Variants in G3BP2 observed in about 807,000 individuals in gnomAD.
G3BP2 encodes the protein ras GTPase-activating protein-binding protein 2.
A neutral mutation model predicts 56.7 loss-of-function variants in G3BP2; 11 were observed. That is an observed-to-expected ratio of 0.19 (90% confidence interval 0.12 to 0.32). The LOEUF (loss-of-function observed/expected upper bound fraction) is 0.32. G3BP2 is among the 10% of genes least tolerant of loss of function. The pLI is 1.00. For missense variants in G3BP2, 340 were observed against 610.9 expected (o/e 0.56, Z 4.67); for synonymous variants, 165 against 191.6 (o/e 0.86, Z 1.15).
intron 7 of G3BP2, 52 bp downstream of exon 7, chr4:75,655,014 C>T: frequency 8.2e-7 from 1 of 1,226,154 alleles, no homozygotes; most frequent in Middle Eastern, 2.2e-4. Flanking sequence ...TCATTAACAG[C>T]ACCAAATTTG....
At chr4:75,695,156 A>AG (rs144670920) in intron 3 of G3BP2, among the ~76,000 whole-genome samples, 330 of 152,322 alleles carry the variant, frequency 2.2e-3, no homozygotes, top group African/African-American at 7.5e-3. Flanking sequence ...TAAACAAAAA[A>AG]GGCATCAGAC....
chr4:75,704,080 G>A (rs1719450269), intron 3 of G3BP2, among the ~76,000 whole-genome samples: 1 of 149,736 alleles, frequency 6.7e-6, no homozygotes, highest in Non-Finnish European at 1.5e-5. Context: ...GTGCCGTGGT[G>A]TGGTCTTGGC....
intron 3 of G3BP2, among the ~76,000 whole-genome samples, chr4:75,709,065 A>G (rs568795633): frequency 3.7e-4 from 56 of 152,216 alleles, no homozygotes; most frequent in African/African-American, 1.3e-3. Context: ...AGTCATAACC[A>G]GTCACTGCAC....
At chr4:75,669,372 C>A (rs918766665) in intron 1 of G3BP2, among the ~76,000 whole-genome samples, 1 of 152,180 alleles carries the variant, frequency 6.6e-6, no homozygotes, top group Non-Finnish European at 1.5e-5. Context: ...TTTAGCTTTG[C>A]CACTTAAACT....
rs181428029 is a variant in G3BP2, at chr4:75,681,825, G to A, written c.-24-19776C>T. 1.3e-4 allele frequency among the ~76,000 whole-genome samples: 19 copies of A among 150,280 alleles called. No individual in the cohort carries two copies. In the East Asian group the frequency reaches 2.9e-3, roughly 23 times the overall value. On this transcript the variant is annotated intron_variant, in intron 3 of 3. Transcript: ENST00000499709. ...GATCGCACCACTGCACCCCAGTCTGGGCAACAGAGCAAGACTCCATCTCAA... is the reference window on the plus strand; with the variant it reads ...GATCGCACCACTGCACCCCAGTCTGAGCAACAGAGCAAGACTCCATCTCAA...
intron 2 of G3BP2, among the ~76,000 whole-genome samples, chr4:75,721,503 C>T (rs1720177409): frequency 6.6e-6 from 1 of 152,134 alleles, no homozygotes; most frequent in South Asian, 2.1e-4. Context: ...AATGATCCTC[C>T]CACCTTGGCC....
intron 6 of G3BP2, 44 bp from the exon 7 acceptor site, chr4:75,655,290 A>G (rs1732007323): frequency 4.2e-6 from 6 of 1,418,370 alleles, no homozygotes; most frequent in South Asian, 2.4e-5. Context: ...GAGTTCAAGT[A>G]AGAAAAAATT....
At chr4:75,680,093 A>G (rs1043232032) in intron 3 of G3BP2, among the ~76,000 whole-genome samples, 8 of 152,206 alleles carry the variant, frequency 5.3e-5, no homozygotes, top group African/African-American at 1.9e-4. Context: ...AGACGCCACA[A>G]GGTTATCCAA....
At chr4:75,660,501 G>A (rs1732465890) in intron 2 of G3BP2, among the ~76,000 whole-genome samples, 1 of 152,226 alleles carries the variant, frequency 6.6e-6, no homozygotes, top group South Asian at 2.1e-4. Context: ...AACCTCAACT[G>A]TCTAATAGGT....
intron 1 of G3BP2, among the ~76,000 whole-genome samples, chr4:75,668,398 A>G (rs1355069764): frequency 1.3e-5 from 2 of 152,234 alleles, no homozygotes; most frequent in South Asian, 2.1e-4. Flanking sequence ...GGCTGCCTCC[A>G]AAACAATCAA....
upstream of G3BP2, chr4:75,673,501 C>T (rs1028807229): frequency 1.6e-5 from 20 of 1,232,172 alleles, no homozygotes; most frequent in Middle Eastern, 9.3e-4. Context: ...GCCAATCACG[C>T]ATCTCCTCCA....
At chr4:75,695,384 T>TG (rs950508394) in intron 3 of G3BP2, among the ~76,000 whole-genome samples, 2 of 152,144 alleles carry the variant, frequency 1.3e-5, no homozygotes, top group African/African-American at 4.8e-5. Context: ...TGCCTGGAGG[T>TG]GACAGGTACA....
intron 8 of G3BP2, among the ~76,000 whole-genome samples, chr4:75,650,850 G>A (rs752743073): frequency 2.0e-5 from 3 of 152,058 alleles, no homozygotes; most frequent in Admixed American, 6.6e-5. Flanking sequence ...CTACAGGCAC[G>A]CCAGTGCCCA....
chr4:75,697,899 A>C (rs1424275576), intron 3 of G3BP2, among the ~76,000 whole-genome samples: 2 of 152,122 alleles, frequency 1.3e-5, no homozygotes, highest in Non-Finnish European at 2.9e-5. Flanking sequence ...GTGCCACTGC[A>C]CTCCAGCCTG....
At chr4:75,700,878 G>T (rs1241543937) in intron 3 of G3BP2, among the ~76,000 whole-genome samples, 1 of 152,016 alleles carries the variant, frequency 6.6e-6, no homozygotes, top group Non-Finnish European at 1.5e-5. Context: ...CACTCTTGTT[G>T]ACCAGGCTGG....
chr4:75,645,437 C>A lies in G3BP2; in HGVS notation c.1442G>T (p.Arg481Leu). Residue 481 changes from arginine to leucine, a missense_variant, in exon 12 of 12, where the codon CGT becomes CTT. Physicochemically the swap from Arg to Leu is moderately radical, Grantham distance 102 (BLOSUM62 -2). Transcript: ENST00000359707. Reference sequence around the variant, plus strand: ...TTTGCCAACAGTGGAGCTTCAGCGACGCTGTCCTGTGAAGCGGCCCTCCAT... The same window carrying A: ...TTTGCCAACAGTGGAGCTTCAGCGAAGCTGTCCTGTGAAGCGGCCCTCCAT... ...GQMEGRFTGQ[R>L]R 6.2e-7 allele frequency: 1 copy of A among 1,613,406 alleles called. No homozygotes were observed.
rs17215400 is a variant in G3BP2 at position 75,643,601 on chromosome 4, A to C, written c.*1829T>G. The C allele has an allele frequency of 0.13, 20,421 of 152,404 alleles. 1,600 individuals are homozygous for C. Among genetic ancestry groups the C allele is most frequent in the South Asian group, 0.34 (1,645 of 4,810 alleles). 9.4% of individuals were successfully genotyped at this position (152,404 alleles called of 1,614,324 possible). On this transcript the variant is annotated 3_prime_UTR_variant, in exon 12 of 12. Coordinates refer to ENST00000359707, the MANE Select transcript of G3BP2 (RefSeq NM_203505.3). ...GAAGACCTCATTCAAAGGGGGAAAA[A>C]GGGACAGATTTTACTCATATTGCCC... is the stretch of plus-strand genomic sequence containing the variant.
Position 75,653,652 on chromosome 4 carries a change from A to C in G3BP2, c.825+331T>G, listed in dbSNP as rs117367801. ...GCCACACTACTTTGTGCCTCTCCGA[A>C]TTTCTTACCTAAAATATTTTTGCTA... On this transcript the variant is annotated intron_variant, in intron 8 of 11. Coordinates refer to ENST00000359707, the MANE Select transcript of G3BP2 (RefSeq NM_203505.3). Among the ~76,000 whole-genome samples, 556 of 150,998 alleles carry C rather than the reference A, an allele frequency of 3.7e-3. 4 individuals carry two copies. The highest frequency in any genetic ancestry group is 0.013 in the East Asian group (65 of 5,146).
intron 2 of G3BP2, among the ~76,000 whole-genome samples, chr4:75,721,654 T>G (rs1476957810): frequency 6.6e-6 from 1 of 152,138 alleles, no homozygotes; most frequent in Non-Finnish European, 1.5e-5. Flanking sequence ...ATCATTTATA[T>G]TTATCCTCCC....
Sources: gnomAD v4.1 joint callset for allele counts (sites outside exome capture counted in the v4.1 genomes callset) on GRCh38, gnomAD v4.1.1 for gene constraint, MANE v1.5 for transcripts, NCBI Gene and HGNC (gene_info 2026-07-23, HGNC 2026-07-21) for gene names.